Variants in CD48 observed in about 807,000 individuals in gnomAD.
CD48 encodes the protein CD48 antigen.
In CD48, 20 loss-of-function variants were observed where a neutral mutation model predicts 22.0. The ratio of observed to expected loss-of-function variants is 0.91; its 90% CI spans 0.64 to 1.32. CD48 has a LOEUF of 1.32. Among genes scored for constraint, CD48 ranks in the 40% most tolerant of loss-of-function variants. CD48 has a pLI of 0.00. For synonymous variants in CD48, 110 were observed against 110.1 expected, an observed-to-expected ratio of 1.00 and a Z score of 0.01; for missense variants, 307 against 286.5, an observed-to-expected ratio of 1.07 and a Z score of -0.52.
At chr1:160,706,039 T>C (rs562395282) in intron 1 of CD48, among the ~76,000 whole-genome samples, 105 of 152,284 alleles carry the variant, frequency 6.9e-4, no homozygotes, top group Non-Finnish European at 1.5e-3. Context: ...CACTGTCTGA[T>C]GACAGAGGCA....
intron 1 of CD48, among the ~76,000 whole-genome samples, chr1:160,706,510 A>G (rs1192433823): frequency 6.6e-6 from 1 of 152,226 alleles, no homozygotes; most frequent in Non-Finnish European, 1.5e-5. Flanking sequence ...TTACCGAGAA[A>G]TAAAGAAGTG....
At chr1:160,705,240 T>C (rs1281997107) in intron 1 of CD48, among the ~76,000 whole-genome samples, 1 of 152,212 alleles carries the variant, frequency 6.6e-6, no homozygotes. Context: ...TACCCTGTCC[T>C]GGTTTGTACA....
chr1:160,701,041 G>A (rs532666615), intron 1 of CD48, among the ~76,000 whole-genome samples: 1 of 152,014 alleles, frequency 6.6e-6, no homozygotes, highest in Admixed American at 6.6e-5. Flanking sequence ...CCAACATAAA[G>A]CTGGCAGATT....
intron 1 of CD48, among the ~76,000 whole-genome samples, chr1:160,707,104 C>T (rs1662818838): frequency 6.6e-6 from 1 of 152,054 alleles, no homozygotes; most frequent in African/African-American, 2.4e-5. Context: ...AGTAATTTTG[C>T]AATAGCTACC....
chr1:160,694,251 G>T (rs1051208857), intron 1 of CD48, among the ~76,000 whole-genome samples: 15 of 151,678 alleles, frequency 9.9e-5, no homozygotes, highest in African/African-American at 3.6e-4. Context: ...AGAACAGGAG[G>T]GTTTGGAAGC....
chr1:160,702,358 T>G (rs1407289235), intron 1 of CD48, among the ~76,000 whole-genome samples: 1 of 152,088 alleles, frequency 6.6e-6, no homozygotes, highest in Non-Finnish European at 1.5e-5. Context: ...TTGGTTTGGT[T>G]GTAGGTAGAT....
chr1:160,683,292 T>A (rs1195338441), intron 2 of CD48, among the ~76,000 whole-genome samples: 1 of 152,194 alleles, frequency 6.6e-6, no homozygotes, highest in African/African-American at 2.4e-5. Context: ...CGCTTTGAGC[T>A]GTCAGAAATG....
intron 1 of CD48, among the ~76,000 whole-genome samples, chr1:160,710,295 T>G (rs1393596957): frequency 1.3e-5 from 2 of 152,188 alleles, no homozygotes; most frequent in East Asian, 3.8e-4. Context: ...CACCTCACTA[T>G]TTTCTAATGA....
At chr1:160,706,760 C>G (rs971851223) in intron 1 of CD48, among the ~76,000 whole-genome samples, 1 of 152,030 alleles carries the variant, frequency 6.6e-6, no homozygotes, top group East Asian at 1.9e-4. Context: ...TGTCTGTGCC[C>G]GCCCATGTTT....
intron 2 of CD48, 57 bp downstream of exon 2, chr1:160,684,830 A>C: frequency 6.2e-7 from 1 of 1,613,844 alleles, no homozygotes. Flanking sequence ...GAAGCCCTAC[A>C]GTGGTCCATC....
rs188508527 is a variant in CD48 at position 160,681,014 on chromosome 1, T to C, written c.652+188A>G. The C allele has an allele frequency of 5.7e-3, 8,313 of 1,462,882 alleles. 323 individuals carry two copies. The African/African-American group carries it at 0.09, about 16-fold the overall frequency. The allele number at this position is 1,462,882 out of a possible 1,614,324, so 90.6% of individuals were successfully genotyped here. A position where few individuals can be genotyped will look rare whatever the true frequency, so the allele number is the denominator to read the frequency against. On this transcript the variant is annotated intron_variant, in intron 3 of 3. Transcript: ENST00000368046. ...GTGAGAACACTGAGCCCCCACGAAG[T>C]TGAGGTAAGCTGGCTGGGAGGTGGT...
At chr1:160,692,641 T>C (rs1427164009) in intron 1 of CD48, among the ~76,000 whole-genome samples, 2 of 151,832 alleles carry the variant, frequency 1.3e-5, no homozygotes, top group Non-Finnish European at 2.9e-5. Flanking sequence ...TAGGAGACAA[T>C]CCTATGGCAC....
chr1:160,685,214 C>T, intron 1 of CD48, 25 bp from the exon 2 acceptor site: 2 of 1,578,994 alleles, frequency 1.3e-6, no homozygotes, highest in South Asian at 2.3e-5. Context: ...CAGAGTGAGA[C>T]CTGCGCTAGA....
At chr1:160,684,710 A>C in intron 2 of CD48, 177 bp downstream of exon 2, 1 of 1,516,946 alleles carries the variant, frequency 6.6e-7, no homozygotes, top group Non-Finnish European at 8.8e-7. Context: ...TAATTTGGAT[A>C]TCTGTTGACC....
intron 1 of CD48, among the ~76,000 whole-genome samples, chr1:160,702,562 C>T (rs1262335872): frequency 2.6e-5 from 4 of 152,152 alleles, no homozygotes; most frequent in African/African-American, 7.2e-5. Flanking sequence ...TTTGCGACAA[C>T]GTGGGCAAAC....
chr1:160,703,729 G>A (rs1230424440), intron 1 of CD48, among the ~76,000 whole-genome samples: 4 of 152,148 alleles, frequency 2.6e-5, no homozygotes, highest in African/African-American at 9.7e-5. Context: ...GGGCAAAAGG[G>A]TGAACTTCAT....
chr1:160,699,446 C>T (rs1662549275), intron 1 of CD48: 1 of 153,430 alleles, frequency 6.5e-6, no homozygotes, highest in Non-Finnish European at 1.4e-5. Context: ...AAGACCTGAC[C>T]ATCCCCCAGA....
intron 1 of CD48, among the ~76,000 whole-genome samples, chr1:160,698,594 A>T (rs191706220): frequency 4.4e-4 from 67 of 152,262 alleles, no homozygotes; most frequent in Admixed American, 9.2e-4. Flanking sequence ...ACAAACTGTC[A>T]TTTGGATGGG....
At chr1:160,680,919 AG>A in intron 3 of CD48, 1 of 1,424,990 alleles carries the variant, frequency 7.0e-7, no homozygotes, top group Non-Finnish European at 9.1e-7. Context: ...CTCAGATGTT[AG>A]GACTATGCTT....
Sources: gnomAD v4.1 joint callset for allele counts (sites outside exome capture counted in the v4.1 genomes callset) on GRCh38, gnomAD v4.1.1 for gene constraint, MANE v1.5 for transcripts, NCBI Gene and HGNC (gene_info 2026-07-23, HGNC 2026-07-21) for gene names.